Variants in CNTNAP4 observed in about 807,000 individuals in gnomAD.
The protein encoded by CNTNAP4 is contactin-associated protein-like 4.
Under a neutral mutation model 148.4 loss-of-function variants are expected in CNTNAP4, and 98 were observed. The observed-to-expected ratio is 0.66, with a 90% confidence interval of 0.56 to 0.78. The LOEUF is 0.78. CNTNAP4 is among the 30% of genes least tolerant of loss of function. CNTNAP4 has a pLI of 0.00. For synonymous variants in CNTNAP4, 730 were observed against 565.1 expected, an observed-to-expected ratio of 1.29 and a Z score of -4.14; for missense variants, 1,935 against 1,565.6, an observed-to-expected ratio of 1.24 and a Z score of -3.98.
At chr16:76,492,480 C>G (rs762616870) in intron 13 of CNTNAP4, among the ~76,000 whole-genome samples, 1 of 151,934 alleles carries the variant, frequency 6.6e-6, no homozygotes, top group Non-Finnish European at 1.5e-5. Context: ...GTAACAGAAC[C>G]AGAAAGCAAA....
rs139239157 is a variant in CNTNAP4 at position 76,410,580 on chromosome 16, AC to A, written c.391-16869del. On this transcript the variant is annotated intron_variant, in intron 3 of 23. Transcript: ENST00000611870. Reference sequence around the variant, plus strand: ...CAGTGTCCGCTGCATGCATTTATTCACCCTCTGCTCCCAAATGACAGATGAG... The same window carrying A: ...CAGTGTCCGCTGCATGCATTTATTCACCTCTGCTCCCAAATGACAGATGAG... 2.3e-3 allele frequency among the ~76,000 whole-genome samples: 343 copies of A among 151,802 alleles called. 1 individual carries two copies. Among genetic ancestry groups the A allele is most frequent in the Non-Finnish European group, 3.8e-3 (258 of 67,736 alleles).
chr16:76,522,220 G>A lies in CNTNAP4; in HGVS notation c.2718G>A (p.Gly906=). The part of the protein sequence containing the change: ...TPKTQPAPAD[G]HVLLQLNSQL... ...AGACACAGCCCGCCCCCGCTGATGG[G>A]CATGTCCTGTTACAGCTCAACAGTC... Residue 906 remains glycine (G), a synonymous_variant, in exon 17 of 24, where the codon GGG becomes GGA. Coordinates refer to ENST00000611870, the MANE Select transcript of CNTNAP4 (RefSeq NM_033401.5). 1 of 1,613,906 alleles carries A rather than the reference G, an allele frequency of 6.2e-7. No homozygotes were observed. The highest frequency in any genetic ancestry group is 8.5e-7 in the Non-Finnish European group (1 of 1,179,880).
intron 9 of CNTNAP4, among the ~76,000 whole-genome samples, chr16:76,464,446 G>T (rs1009370018): frequency 6.6e-6 from 1 of 152,118 alleles, no homozygotes; most frequent in African/African-American, 2.4e-5. Context: ...CAGTCCTGGG[G>T]AACTGTGACA....
At chr16:76,426,826 C>T (rs542233278) in intron 3 of CNTNAP4, among the ~76,000 whole-genome samples, 5 of 152,172 alleles carry the variant, frequency 3.3e-5, no homozygotes, top group Admixed American at 6.6e-5. Flanking sequence ...TTCTAAAGTC[C>T]GTAAGTTTAA....
intron 3 of CNTNAP4, among the ~76,000 whole-genome samples, chr16:76,419,132 T>TA (rs2079088656): frequency 6.6e-6 from 1 of 152,008 alleles, no homozygotes; most frequent in Admixed American, 6.6e-5. Flanking sequence ...TTCACAAGCA[T>TA]ATCTCTGGTG....
At position 76,471,082 on chromosome 16, in the gene CNTNAP4, C is replaced by G. The variant is rs928545481; in HGVS notation, c.1655+3559C>G. Among the ~76,000 whole-genome samples, 9 of 152,050 alleles carry G rather than the reference C, an allele frequency of 5.9e-5. No homozygotes were observed. The East Asian group carries it at 1.7e-3, about 29-fold the overall frequency. ...TATTCACATCTTCCTTACACAGAGT[C>G]ACTCCCTACGCAAACACACACAAAC... On this transcript the variant is annotated intron_variant, in intron 10 of 23. Transcript: ENST00000611870.
At chr16:76,460,691 T>A in intron 8 of CNTNAP4, among the ~76,000 whole-genome samples, 1 of 133,786 alleles carries the variant, frequency 7.5e-6, no homozygotes, top group Admixed American at 8.1e-5. Context: ...AGGCAGAGCT[T>A]GCAGTGAGCC....
chr16:76,410,722 C>A (rs142023404), intron 3 of CNTNAP4, among the ~76,000 whole-genome samples: 1 of 151,638 alleles, frequency 6.6e-6, no homozygotes, highest in South Asian at 2.1e-4. Flanking sequence ...TGTACAGAAT[C>A]TGAAGGTCAG....
intron 16 of CNTNAP4, 79 bp downstream of exon 16, chr16:76,521,389 ATG>A (rs1265813258): frequency 1.7e-6 from 2 of 1,150,482 alleles, no homozygotes; most frequent in Non-Finnish European, 2.4e-6. Context: ...TAAACTACTC[ATG>A]TGTCTACTTT....
At chr16:76,445,205 T>C (rs557643179) in intron 4 of CNTNAP4, among the ~76,000 whole-genome samples, 1 of 152,282 alleles carries the variant, frequency 6.6e-6, no homozygotes, top group Admixed American at 6.5e-5. Context: ...TTGCCTCCTG[T>C]TTCTAGACCT....
At chr16:76,481,019 C>A (rs1224642813) in intron 12 of CNTNAP4, among the ~76,000 whole-genome samples, 3 of 152,020 alleles carry the variant, frequency 2.0e-5, no homozygotes, top group African/African-American at 7.2e-5. Flanking sequence ...TACGTAAAGC[C>A]GTATATAGCT....
intron 9 of CNTNAP4, among the ~76,000 whole-genome samples, chr16:76,465,067 C>A (rs1313641586): frequency 1.3e-5 from 2 of 152,154 alleles, no homozygotes; most frequent in Non-Finnish European, 2.9e-5. Context: ...ATTCTCCATC[C>A]AATGAACTGA....
intron 23 of CNTNAP4, among the ~76,000 whole-genome samples, chr16:76,556,563 C>G (rs2085207550): frequency 6.6e-6 from 1 of 152,086 alleles, no homozygotes; most frequent in Non-Finnish European, 1.5e-5. Context: ...TGTCTGCTGT[C>G]TATATCATAT....
intron 21 of CNTNAP4, among the ~76,000 whole-genome samples, chr16:76,549,165 A>AG (rs1491374841): frequency 2.0e-5 from 3 of 151,976 alleles, no homozygotes; most frequent in Non-Finnish European, 4.4e-5. Flanking sequence ...GAAGAATCTC[A>AG]GGGGGGGATT....
intron 1 of CNTNAP4, among the ~76,000 whole-genome samples, chr16:76,307,099 A>G (rs754391481): frequency 6.6e-5 from 10 of 152,218 alleles, no homozygotes; most frequent in Non-Finnish European, 1.3e-4. Context: ...ATTGAATAAC[A>G]CAAAAAGCAT....
rs2082346736 is a variant in CNTNAP4, at chr16:76,494,912, G to A, written c.2083G>A (p.Gly695Arg). The A allele has an allele frequency of 1.2e-6, 2 of 1,612,388 alleles. No individual in the cohort carries two copies. The change falls in exon 14 of 24, where the codon GGA (glycine) becomes AGA (arginine). Residue 695 changes from glycine to arginine, a missense_variant and splice_region_variant. By Grantham distance (125) the Gly-to-Arg change is moderately radical. Transcript: ENST00000611870. Reference protein sequence around the residue: ...KKSRLVNKQDGTPLSWWVGRT... With the variant: ...KKSRLVNKQDRTPLSWWVGRT... ...CATTTTTCACGTTTTTCTTTCAGAT[G>A]GAACCCCTCTGAGTTGGTGGGTAGG... is the stretch of plus-strand genomic sequence containing the variant.
chr16:76,548,261 C>G (rs964106493), intron 21 of CNTNAP4, among the ~76,000 whole-genome samples: 2 of 146,122 alleles, frequency 1.4e-5, no homozygotes, highest in African/African-American at 5.0e-5. Flanking sequence ...GTGCACCATT[C>G]AGTTCCAACC....
chr16:76,461,808 C>T, intron 8 of CNTNAP4, 148 bp from the exon 9 acceptor site: 2 of 584,288 alleles, frequency 3.4e-6, no homozygotes, highest in Admixed American at 3.3e-5. Flanking sequence ...TCCAATTTGT[C>T]TCCCTTTCCT....
chr16:76,288,223 A>G (rs772811304), intron 1 of CNTNAP4, among the ~76,000 whole-genome samples: 1 of 152,040 alleles, frequency 6.6e-6, no homozygotes, highest in Non-Finnish European at 1.5e-5. Flanking sequence ...ACCATGTAAG[A>G]CGTGCCTGTT....
Sources: allele counts gnomAD v4.1 joint callset (sites outside exome capture counted in the v4.1 genomes callset), GRCh38; gene constraint gnomAD v4.1.1; transcripts MANE v1.5; gene names NCBI Gene and HGNC (gene_info 2026-07-23, HGNC 2026-07-21).